The following RFTN2 variants were observed in gnomAD, a reference collection of about 807,000 sequenced individuals.
RFTN2 encodes the protein raftlin-2.
Under a neutral mutation model 52.7 loss-of-function variants are expected in RFTN2, and 34 were observed. The ratio of observed to expected loss-of-function variants is 0.64; its 90% CI spans 0.49 to 0.86. RFTN2 has a LOEUF of 0.86. RFTN2 is among the 40% of genes least tolerant of loss of function. RFTN2 has a pLI of 0.00. For missense variants in RFTN2, 536 were observed against 600.1 expected, an observed-to-expected ratio of 0.89 and a Z score of 1.12; for synonymous variants, 203 against 217.7, an observed-to-expected ratio of 0.93 and a Z score of 0.59.
At chr2:197,642,734 A>G (rs1423840431) in intron 3 of RFTN2, among the ~76,000 whole-genome samples, 1 of 152,222 alleles carries the variant, frequency 6.6e-6, no homozygotes, top group African/African-American at 2.4e-5. Flanking sequence ...CTGTGATCCC[A>G]GCACTTTGGG....
intron 1 of RFTN2, among the ~76,000 whole-genome samples, chr2:197,671,794 T>C (rs2089151393): frequency 6.6e-6 from 1 of 152,186 alleles, no homozygotes; most frequent in Non-Finnish European, 1.5e-5. Context: ...GAAGCTACCA[T>C]CCAATTTTCT....
In RFTN2 at chr2:197,572,251, T is replaced by C. The variant is rs1420559933; in HGVS notation, c.1263A>G (p.Glu421=). The C allele has an allele frequency of 1.9e-6, 3 of 1,614,066 alleles. No homozygotes were observed. Among genetic ancestry groups the C allele is most frequent in the East Asian group, 2.2e-5 (1 of 44,908 alleles). ...DKKASRHIKG[E]DKNKATSRSI... ...TTCTACTAGTGGCTTTATTCTTGTC[T>C]TCACCTTTTATGTGGCGGCTGGCTT... is the stretch of plus-strand genomic sequence containing the variant. The change falls in exon 9 of 9, where the codon GAA becomes GAG. Residue 421 remains glutamate (E), a synonymous_variant. Transcript: ENST00000295049.
At chr2:197,576,886 G>A (rs1485565634) in intron 8 of RFTN2, among the ~76,000 whole-genome samples, 2 of 152,126 alleles carry the variant, frequency 1.3e-5, no homozygotes, top group South Asian at 2.1e-4. Context: ...AACCCTTGGG[G>A]CCCCAAAATC....
At chr2:197,591,016 C>G (rs1359893981) in intron 8 of RFTN2, among the ~76,000 whole-genome samples, 1 of 152,238 alleles carries the variant, frequency 6.6e-6, no homozygotes, top group East Asian at 1.9e-4. Flanking sequence ...CCACATCCTG[C>G]TGATTGGTCC....
chr2:197,640,443 C>G (rs796174149), intron 3 of RFTN2, among the ~76,000 whole-genome samples: 3 of 151,962 alleles, frequency 2.0e-5, no homozygotes, highest in Non-Finnish European at 4.4e-5. Context: ...CGTGGTGCGC[C>G]GTTTTTTAAG....
chr2:197,607,165 T>A (rs1319734068), intron 7 of RFTN2, among the ~76,000 whole-genome samples: 1 of 152,088 alleles, frequency 6.6e-6, no homozygotes, highest in Admixed American at 6.5e-5. Context: ...AAATGATGAG[T>A]TCATGTTCTT....
rs1553597184 is a variant in RFTN2, at chr2:197,575,794, A to ATATATATTTTATATACATTATATTC, written c.1234-3515_1234-3514insGAATATAATGTATATAAAATATATA. ...ATATATATTCTATATATAATATATT[A>ATATATATTTTATATACATTATATTC]TATATATTTTATATACATAATATAT... is the stretch of plus-strand genomic sequence containing the variant. On this transcript the variant is annotated intron_variant, in intron 8 of 8. Coordinates refer to ENST00000295049, the MANE Select transcript of RFTN2 (RefSeq NM_144629.3). Among the ~76,000 whole-genome samples, 368 of 131,194 alleles carry ATATATATTTTATATACATTATATTC rather than the reference A, an allele frequency of 2.8e-3. 1 individual carries two copies. The highest frequency in any genetic ancestry group is 4.4e-3 in the Non-Finnish European group (285 of 64,500). The allele number at this position is 131,194 out of a possible 152,430, so 86.1% of individuals were successfully genotyped here. A position where few individuals can be genotyped will look rare whatever the true frequency, so the allele number is the denominator to read the frequency against.
chr2:197,657,190 C>G (rs189610135), intron 1 of RFTN2, among the ~76,000 whole-genome samples: 177 of 152,096 alleles, frequency 1.2e-3, no homozygotes, highest in African/African-American at 4.1e-3. Flanking sequence ...TTAAGAAAAC[C>G]CCTAAATCCA....
chr2:197,665,397 T>G (rs1352126442), intron 1 of RFTN2, among the ~76,000 whole-genome samples: 2 of 152,148 alleles, frequency 1.3e-5, no homozygotes, highest in Non-Finnish European at 2.9e-5. Flanking sequence ...AGTCTATCTC[T>G]CTCTTTAGAT....
chr2:197,644,008 A>G (rs558912140), intron 3 of RFTN2, 150 bp downstream of exon 3: 64 of 612,404 alleles, frequency 1.0e-4, no homozygotes, highest in African/African-American at 9.7e-4. Flanking sequence ...ACGCTTTACC[A>G]TTTGGCACAA....
intron 1 of RFTN2, among the ~76,000 whole-genome samples, chr2:197,651,229 T>C (rs1296871848): frequency 1.3e-5 from 2 of 152,240 alleles, no homozygotes; most frequent in Admixed American, 1.3e-4. Flanking sequence ...TTTCACTCTG[T>C]TGACTGTCCT....
intron 7 of RFTN2, among the ~76,000 whole-genome samples, chr2:197,608,716 T>A (rs1350970487): frequency 6.6e-6 from 1 of 151,058 alleles, no homozygotes; most frequent in Admixed American, 6.6e-5. Flanking sequence ...GTGTGCCATG[T>A]TGGTTTGCTG....
At chr2:197,648,719 A>G (rs1260970297) in intron 1 of RFTN2, among the ~76,000 whole-genome samples, 1 of 152,184 alleles carries the variant, frequency 6.6e-6, no homozygotes, top group African/African-American at 2.4e-5. Flanking sequence ...CTGCCTCTTG[A>G]TTCAGCCTCC....
intron 1 of RFTN2, among the ~76,000 whole-genome samples, chr2:197,656,347 A>C (rs2088894225): frequency 6.6e-6 from 1 of 152,226 alleles, no homozygotes. Context: ...TAAGAGCATT[A>C]GGCTCTGGAA....
intron 5 of RFTN2, among the ~76,000 whole-genome samples, chr2:197,626,614 C>CTTTTTTTTTTTTTTTTTTTTTTTTT: frequency 1.0e-5 from 1 of 97,592 alleles, no homozygotes; most frequent in Non-Finnish European, 1.9e-5. Flanking sequence ...AAGGAATAAT[C>CTTTTTTTTTTTTTTTTTTTTTTTTT]TTCTTTTTTT....
rs761980395 is a variant in RFTN2 at position 197,646,677 on chromosome 2, A to T, written c.140-11T>A. 6.3e-7 allele frequency: 1 copy of T among 1,597,682 alleles called. No homozygotes were observed. The highest frequency in any genetic ancestry group is 8.6e-7 in the Non-Finnish European group (1 of 1,167,550). On this transcript the variant is annotated splice_polypyrimidine_tract_variant and intron_variant, in intron 1 of 8. Coordinates refer to ENST00000295049, the MANE Select transcript of RFTN2 (RefSeq NM_144629.3). Reference sequence around the variant, plus strand: ...CTGGGTTTGATGAAGCTGAAATATCAAAAGCAAAGAGAAATTTGCATATTC... The same window carrying T: ...CTGGGTTTGATGAAGCTGAAATATCTAAAGCAAAGAGAAATTTGCATATTC...
In RFTN2 at chr2:197,665,224, C is replaced by A. The variant is rs117198306; in HGVS notation, c.139+10096G>T. Among the ~76,000 whole-genome samples, 131 of 152,218 alleles carry A rather than the reference C, an allele frequency of 8.6e-4. 4 individuals carry two copies. The East Asian group carries it at 0.022, about 26-fold the overall frequency. On this transcript the variant is annotated intron_variant, in intron 1 of 8. Coordinates refer to ENST00000295049, the MANE Select transcript of RFTN2 (RefSeq NM_144629.3). ...GGAGCAGTGAAGAGATATGAGGGAA[C>A]CTTCTATACTTTCTGTTCAATTTTT...
intron 5 of RFTN2, among the ~76,000 whole-genome samples, chr2:197,626,108 C>G (rs1047173576): frequency 7.2e-5 from 11 of 151,762 alleles, no homozygotes. Context: ...TTAAAAATTG[C>G]AAATGAGATT....
intron 7 of RFTN2, among the ~76,000 whole-genome samples, chr2:197,609,101 C>T (rs937771069): frequency 9.9e-5 from 15 of 152,048 alleles, no homozygotes; most frequent in Non-Finnish European, 2.1e-4. Flanking sequence ...CATATGTGTG[C>T]GTGTGTCTTT....
Sources: gnomAD v4.1 joint callset for allele counts (sites outside exome capture counted in the v4.1 genomes callset) on GRCh38, gnomAD v4.1.1 for gene constraint, MANE v1.5 for transcripts, NCBI Gene and HGNC (gene_info 2026-07-23, HGNC 2026-07-21) for gene names.